The following GRM8 variants were observed in gnomAD, a reference collection of about 807,000 sequenced individuals.
GRM8 encodes the protein glutamate metabotropic receptor 8, also known as metabotropic glutamate receptor 8.
GRM8 carries 47 observed loss-of-function variants against 87.2 expected under a neutral mutation model. The observed-to-expected ratio is 0.54, with a 90% CI of 0.43 to 0.69. The LOEUF (loss-of-function observed/expected upper bound fraction) is 0.69, where lower values mean the gene tolerates loss of function less well. Ranked by LOEUF, GRM8 falls within the 30% of genes least tolerant of loss-of-function variation. GRM8 has a pLI of 0.00. For synonymous variants in GRM8, 396 were observed against 404.5 expected, an observed-to-expected ratio of 0.98 and a Z score of 0.25; for missense variants, 1,019 against 1,139.2, an observed-to-expected ratio of 0.89 and a Z score of 1.52.
At chr7:126,749,650 TCA>T (rs3993594) in intron 7 of GRM8, among the ~76,000 whole-genome samples, 58,815 of 151,208 alleles carry the variant, frequency 0.39, 12,603 homozygotes, top group Non-Finnish European at 0.48. Context: ...TGTAAATAAT[TCA>T]GTTTTTAAAA....
intron 3 of GRM8, among the ~76,000 whole-genome samples, chr7:127,060,375 T>A (rs1168527284): frequency 2.0e-5 from 3 of 152,198 alleles, no homozygotes; most frequent in Non-Finnish European, 2.9e-5. Flanking sequence ...AGAAGAGTAC[T>A]AGTACCTACA....
intron 2 of GRM8, among the ~76,000 whole-genome samples, chr7:127,144,849 ACT>A (rs1828465019): frequency 6.6e-6 from 1 of 151,942 alleles, no homozygotes; most frequent in Non-Finnish European, 1.5e-5. Context: ...ACTAAAATGC[ACT>A]CTCTGGTAGA....
At chr7:126,914,212 C>T (rs1803620543) in intron 3 of GRM8, among the ~76,000 whole-genome samples, 1 of 152,084 alleles carries the variant, frequency 6.6e-6, no homozygotes, top group Non-Finnish European at 1.5e-5. Context: ...CAAGTCAAAA[C>T]CACTATGAGA....
At chr7:126,765,961 C>G (rs574777967) in intron 7 of GRM8, among the ~76,000 whole-genome samples, 3 of 151,990 alleles carry the variant, frequency 2.0e-5, no homozygotes, top group African/African-American at 7.2e-5. Context: ...ACCATTGTAG[C>G]TTATGTCTTT....
At chr7:126,778,299 C>A (rs1194162757) in intron 6 of GRM8, among the ~76,000 whole-genome samples, 1 of 152,164 alleles carries the variant, frequency 6.6e-6, no homozygotes, top group Non-Finnish European at 1.5e-5. Flanking sequence ...AGCTCTAGAT[C>A]AGTTCACAAT....
At chr7:126,442,407 C>T (rs1360275286) in intron 10 of GRM8, among the ~76,000 whole-genome samples, 2 of 151,932 alleles carry the variant, frequency 1.3e-5, no homozygotes, top group African/African-American at 4.8e-5. Context: ...TAAAATCTGT[C>T]CTTCAGTTCT....
At chr7:126,515,393 C>T (rs1408190303) in intron 9 of GRM8, among the ~76,000 whole-genome samples, 1 of 151,952 alleles carries the variant, frequency 6.6e-6, no homozygotes, top group African/African-American at 2.4e-5. Context: ...TGTCTAAAAA[C>T]AGTAGAAAAT....
intron 9 of GRM8, among the ~76,000 whole-genome samples, chr7:126,455,474 A>G (rs771531037): frequency 5.3e-5 from 8 of 151,674 alleles, no homozygotes; most frequent in Non-Finnish European, 1.2e-4. Flanking sequence ...AAGCACTTCA[A>G]TTAATATTTA....
At chr7:126,635,951 G>A (rs1033097053) in intron 7 of GRM8, among the ~76,000 whole-genome samples, 1 of 151,972 alleles carries the variant, frequency 6.6e-6, no homozygotes, top group Non-Finnish European at 1.5e-5. Flanking sequence ...AAACATTCTT[G>A]TACTAGAAAG....
Position 126,668,718 on chromosome 7 carries a change from T to C in GRM8, c.1358-59220A>G, listed in dbSNP as rs114821409. On this transcript the variant is annotated intron_variant, in intron 7 of 10. Coordinates refer to ENST00000339582, the MANE Select transcript of GRM8 (RefSeq NM_000845.3). ...GAATAAGAGGTTCTTCCCCAGGCAT[T>C]TTTAAACTGTTCTTTTTTCTTTCCC... Among the ~76,000 whole-genome samples the C allele has an allele frequency of 7.8e-3, 1,193 of 152,296 alleles. 20 individuals carry two copies. The highest frequency in any genetic ancestry group is 0.027 in the African/African-American group (1,129 of 41,568).
chr7:126,768,357 T>TAAAAAAAAAAA (rs57868820), intron 7 of GRM8, among the ~76,000 whole-genome samples: 21 of 53,494 alleles, frequency 3.9e-4, no homozygotes, highest in Admixed American at 9.0e-4. Context: ...TTTGATAATG[T>TAAAAAAAAAAA]AAAAAAAAAA....
At chr7:126,460,146 C>G (rs1803729091) in intron 9 of GRM8, among the ~76,000 whole-genome samples, 1 of 151,534 alleles carries the variant, frequency 6.6e-6, no homozygotes, top group Non-Finnish European at 1.5e-5. Flanking sequence ...ACATTTAGAA[C>G]TTTCTATAAT....
intron 7 of GRM8, among the ~76,000 whole-genome samples, chr7:126,684,228 G>T (rs1001582246): frequency 6.6e-6 from 1 of 152,196 alleles, no homozygotes; most frequent in Non-Finnish European, 1.5e-5. Context: ...TGTTGAAGAG[G>T]AAGGCTACTG....
chr7:127,012,163 A>G (rs1280382305), intron 3 of GRM8, among the ~76,000 whole-genome samples: 1 of 152,172 alleles, frequency 6.6e-6, no homozygotes, highest in African/African-American at 2.4e-5. Flanking sequence ...ATGAAAAAAT[A>G]TGAGATCCAA....
chr7:126,462,550 T>A (rs193096185), intron 9 of GRM8, among the ~76,000 whole-genome samples: 2 of 151,746 alleles, frequency 1.3e-5, no homozygotes, highest in African/African-American at 4.8e-5. Flanking sequence ...TTTACCAGCA[T>A]AATTTTGGAA....
intron 2 of GRM8, among the ~76,000 whole-genome samples, chr7:127,141,843 C>G (rs1396688980): frequency 6.6e-6 from 1 of 152,156 alleles, no homozygotes. Flanking sequence ...CAGACCAAGA[C>G]TAGACTATGG....
chr7:126,619,673 T>G (rs748364342), intron 7 of GRM8, among the ~76,000 whole-genome samples: 16 of 152,268 alleles, frequency 1.1e-4, no homozygotes, highest in South Asian at 1.0e-3. Context: ...TTTCATAAAT[T>G]TTGATGTGTA....
At chr7:126,595,065 A>G (rs1797032540) in intron 8 of GRM8, among the ~76,000 whole-genome samples, 1 of 152,186 alleles carries the variant, frequency 6.6e-6, no homozygotes, top group African/African-American at 2.4e-5. Flanking sequence ...TGAAATTAAA[A>G]AAAAATATGC....
chr7:126,528,582 C>T lies in GRM8; in HGVS notation c.2430+4370G>A, dbSNP rs150549170. Among the ~76,000 whole-genome samples, 539 of 150,802 alleles carry T rather than the reference C, an allele frequency of 3.6e-3. 5 individuals are homozygous for T. The highest frequency in any genetic ancestry group is 0.01 in the Middle Eastern group (3 of 294). On this transcript the variant is annotated intron_variant, in intron 9 of 10. Transcript: ENST00000339582. Reference sequence around the variant, plus strand: ...GCAAAATAAATATGAGTTATTAGTACAAAAAAACACACCATACAGAGACAA... The same window carrying T: ...GCAAAATAAATATGAGTTATTAGTATAAAAAAACACACCATACAGAGACAA...
Sources: gnomAD v4.1 joint callset for allele counts (sites outside exome capture counted in the v4.1 genomes callset) on GRCh38, gnomAD v4.1.1 for gene constraint, MANE v1.5 for transcripts, NCBI Gene and HGNC (gene_info 2026-07-23, HGNC 2026-07-21) for gene names.